The following SH3GLB1 variants were observed in gnomAD, a reference collection of about 807,000 sequenced individuals.
The protein encoded by SH3GLB1 is SH3 domain containing GRB2 like, endophilin B1.
Under a neutral mutation model 42.0 loss-of-function variants are expected in SH3GLB1, and 17 were observed. The observed-to-expected ratio is 0.40, with a 90% CI of 0.28 to 0.61. SH3GLB1 has a LOEUF of 0.61. SH3GLB1 is among the 20% of genes least tolerant of loss of function. SH3GLB1 has a pLI of 0.36. For synonymous variants in SH3GLB1, 132 were observed against 146.6 expected, an observed-to-expected ratio of 0.90 and a Z score of 0.72; for missense variants, 355 against 426.3, an observed-to-expected ratio of 0.83 and a Z score of 1.47.
chr1:86,716,074 A>G (rs1488952947), intron 2 of SH3GLB1, among the ~76,000 whole-genome samples: 1 of 152,168 alleles, frequency 6.6e-6, no homozygotes, highest in Non-Finnish European at 1.5e-5. Context: ...TCAGTCTTTT[A>G]TAGAATCCTT....
chr1:86,705,007 C>T, intron 1 of SH3GLB1, 36 bp downstream of exon 1: 5 of 1,459,416 alleles, frequency 3.4e-6, no homozygotes, highest in East Asian at 5.4e-5. Context: ...GGTGGCGGCG[C>T]CCGGGAAGGT....
At chr1:86,707,199 A>T (rs1298557545) in intron 1 of SH3GLB1, among the ~76,000 whole-genome samples, 1 of 152,238 alleles carries the variant, frequency 6.6e-6, no homozygotes, top group African/African-American at 2.4e-5. Flanking sequence ...TTCTAACATT[A>T]GTATCGTGTA....
chr1:86,741,002 A>G (rs1656033072), intron 7 of SH3GLB1, among the ~76,000 whole-genome samples: 1 of 152,142 alleles, frequency 6.6e-6, no homozygotes, highest in South Asian at 2.1e-4. Context: ...ATATGATAAA[A>G]TATGATAATG....
In SH3GLB1 at chr1:86,735,157, G is replaced by T; in HGVS notation, c.739G>T (p.Asp247Tyr). ...TGCACAGTGTTACCAGTATATGTTG[G>T]ACCTCCAGAAACAACTGGGAAGGTG... ...YYAQCYQYML[D>Y]LQKQLGSFPS... Residue 247 changes from aspartate to tyrosine, a missense_variant, in exon 7 of 9, where the codon GAC (aspartate) becomes TAC (tyrosine). Transcript: ENST00000370558. The T allele has an allele frequency of 6.2e-7, 1 of 1,611,872 alleles. No individual in the cohort carries two copies. Among genetic ancestry groups the T allele is most frequent in the South Asian group, 1.1e-5 (1 of 90,954 alleles).
intron 5 of SH3GLB1, among the ~76,000 whole-genome samples, chr1:86,726,815 C>T (rs1655219839): frequency 6.6e-6 from 1 of 151,374 alleles, no homozygotes; most frequent in Non-Finnish European, 1.5e-5. Context: ...CCTTTTTTTC[C>T]CCCCTGTATT....
At chr1:86,738,850 G>A (rs377257118) in intron 7 of SH3GLB1, among the ~76,000 whole-genome samples, 8 of 151,878 alleles carry the variant, frequency 5.3e-5, no homozygotes, top group African/African-American at 1.9e-4. Context: ...CACCATGTTA[G>A]CCAGGCTGGT....
At chr1:86,724,698 C>A (rs1655059311) in intron 5 of SH3GLB1, among the ~76,000 whole-genome samples, 1 of 151,188 alleles carries the variant, frequency 6.6e-6, no homozygotes, top group African/African-American at 2.4e-5. Flanking sequence ...CATGGCACAG[C>A]CCCGTCTCTC....
intron 7 of SH3GLB1, among the ~76,000 whole-genome samples, chr1:86,740,529 T>C (rs952274762): frequency 6.6e-6 from 1 of 152,218 alleles, no homozygotes; most frequent in Admixed American, 6.5e-5. Context: ...TAATTAACTA[T>C]GGACATGAAG....
chr1:86,716,010 T>G, intron 2 of SH3GLB1, 145 bp downstream of exon 2: 2 of 767,914 alleles, frequency 2.6e-6, no homozygotes. Flanking sequence ...TGTGCTTTTG[T>G]GAAGAGGAAG....
At chr1:86,728,610 T>C in intron 5 of SH3GLB1, 1 of 538,604 alleles carries the variant, frequency 1.9e-6, no homozygotes, top group South Asian at 2.9e-5. Context: ...AACAAAAATA[T>C]AAGGAAAAAA....
At chr1:86,737,492 C>A (rs1655834466) in intron 7 of SH3GLB1, among the ~76,000 whole-genome samples, 1 of 152,172 alleles carries the variant, frequency 6.6e-6, no homozygotes, top group South Asian at 2.1e-4. Context: ...TTAATCCCTA[C>A]TGAAGAACCG....
At chr1:86,726,900 G>C (rs759056279) in intron 5 of SH3GLB1, among the ~76,000 whole-genome samples, 1 of 151,344 alleles carries the variant, frequency 6.6e-6, no homozygotes, top group East Asian at 1.9e-4. Context: ...CTGGTTCCTA[G>C]TTGGCAACTG....
rs1348691053 is a variant in SH3GLB1, at chr1:86,735,087, C to T, written c.669C>T (p.His223=). The change falls in exon 7 of 9, where the codon CAC becomes CAT. Residue 223 remains histidine (H), a synonymous_variant. Transcript: ENST00000370558. ...ATAATTTTCCTTCACAGGCCCATCA[C>T]CTTCGCTGTCTGAATGACTTTGTAG... The part of the protein sequence containing the change: ...LEGISSTHAH[H]LRCLNDFVEA... The T allele has an allele frequency of 1.2e-6, 2 of 1,612,554 alleles. No individual in the cohort carries two copies. The highest frequency in any genetic ancestry group is 1.1e-5 in the South Asian group (1 of 91,052).
chr1:86,719,599 G>A lies in SH3GLB1; in HGVS notation c.307G>A (p.Asp103Asn), dbSNP rs1342290652. The change falls in exon 3 of 9, where the codon GAT becomes AAT. Residue 103 changes from aspartate to asparagine, a missense_variant. By Grantham distance (23) the Asp-to-Asn change is conservative. Transcript: ENST00000370558. The stretch of plus-strand genomic sequence containing the variant: ...AGAACTTTTGGGACAATATATGATT[G>A]ATGCAGGGACTGAGTTTGGCCCAGG... Reference protein sequence around the residue: ...NPELLGQYMIDAGTEFGPGTA... With the variant: ...NPELLGQYMINAGTEFGPGTA... The A allele has an allele frequency of 1.9e-6, 3 of 1,611,074 alleles. No homozygotes were observed. Among genetic ancestry groups the A allele is most frequent in the East Asian group, 2.2e-5 (1 of 44,572 alleles).
chr1:86,733,438 T>C (rs1194795871), intron 5 of SH3GLB1, among the ~76,000 whole-genome samples: 1 of 152,094 alleles, frequency 6.6e-6, no homozygotes, highest in African/African-American at 2.4e-5. Flanking sequence ...TTTTTGTTTT[T>C]CGTTTTTTTT....
Position 86,719,610 on chromosome 1 carries a change from T to C in SH3GLB1, c.318T>C (p.Thr106=). The change falls in exon 3 of 9, where the codon ACT becomes ACC. Residue 106 remains threonine (T), a synonymous_variant. Coordinates refer to ENST00000370558, the MANE Select transcript of SH3GLB1 (RefSeq NM_016009.5). ...GACAATATATGATTGATGCAGGGAC[T>C]GAGTTTGGCCCAGGAACAGCTTATG... ...LLGQYMIDAG[T]EFGPGTAYGN... 2 of 1,609,714 alleles carry C rather than the reference T, an allele frequency of 1.2e-6. No homozygotes were observed. The highest frequency in any genetic ancestry group is 1.7e-6 in the Non-Finnish European group (2 of 1,177,802).
intron 1 of SH3GLB1, among the ~76,000 whole-genome samples, chr1:86,705,360 C>T (rs1164937941): frequency 2.0e-5 from 3 of 152,152 alleles, no homozygotes; most frequent in Non-Finnish European, 4.4e-5. Context: ...GCACTACCCC[C>T]CACCCTTTCC....
rs777595107 is a variant in SH3GLB1 at position 86,741,769 on chromosome 1, T to C, written c.762-439T>C. Among the ~76,000 whole-genome samples, 19 of 152,076 alleles carry C rather than the reference T, an allele frequency of 1.2e-4. 1 individual carries two copies. Among genetic ancestry groups the C allele is most frequent in the African/African-American group, 4.3e-4 (18 of 41,432 alleles). ...ATAGGAAAATGTGATTGGACCAGTT[T>C]ATGAAAAAAAGGTTTAGTTATTCAA... On this transcript the variant is annotated intron_variant, in intron 7 of 8. Coordinates refer to ENST00000370558, the MANE Select transcript of SH3GLB1 (RefSeq NM_016009.5).
At chr1:86,705,459 C>T (rs1653803488) in intron 1 of SH3GLB1, among the ~76,000 whole-genome samples, 1 of 152,184 alleles carries the variant, frequency 6.6e-6, no homozygotes, top group Non-Finnish European at 1.5e-5. Flanking sequence ...CAGTTCCCTC[C>T]GGCCCTCTTT....
Sources: gnomAD v4.1 joint callset for allele counts (sites outside exome capture counted in the v4.1 genomes callset) on GRCh38, gnomAD v4.1.1 for gene constraint, MANE v1.5 for transcripts, NCBI Gene and HGNC (gene_info 2026-07-23, HGNC 2026-07-21) for gene names.